Variants in NIPAL3 observed in about 807,000 individuals in gnomAD.
NIPAL3 encodes the protein NIPA-like protein 3.
NIPAL3 carries 41 observed loss-of-function variants against 47.2 expected under a neutral mutation model. That is an observed-to-expected ratio of 0.87 (90% confidence interval 0.68 to 1.13). NIPAL3 has a LOEUF of 1.13. Among genes scored for constraint, NIPAL3 ranks in the 50% most tolerant of loss-of-function variants. NIPAL3 has a pLI of 0.00. For missense variants in NIPAL3, 449 were observed against 530.1 expected (o/e 0.85, Z 1.50); for synonymous variants, 194 against 209.6 (o/e 0.93, Z 0.64).
chr1:24,461,413 A>G (rs1437644398), intron 10 of NIPAL3, among the ~76,000 whole-genome samples: 1 of 151,510 alleles, frequency 6.6e-6, no homozygotes, highest in Non-Finnish European at 1.5e-5. Flanking sequence ...ATGATGGTGC[A>G]TGCCTGTAAT....
intron 6 of NIPAL3, among the ~76,000 whole-genome samples, chr1:24,450,168 G>A (rs1645870451): frequency 6.6e-6 from 1 of 152,158 alleles, no homozygotes; most frequent in African/African-American, 2.4e-5. Flanking sequence ...TTAGAGGTGT[G>A]TATAGGTATG....
intron 2 of NIPAL3, among the ~76,000 whole-genome samples, chr1:24,428,043 C>T (rs1213978442): frequency 6.6e-6 from 1 of 152,114 alleles, no homozygotes; most frequent in Non-Finnish European, 1.5e-5. Context: ...AGTTCGAGAC[C>T]AGCCTGGGCA....
intron 2 of NIPAL3, among the ~76,000 whole-genome samples, chr1:24,430,331 A>C (rs1466639571): frequency 3.3e-5 from 5 of 150,422 alleles, no homozygotes; most frequent in African/African-American, 1.2e-4. Flanking sequence ...GCTCATTGCA[A>C]CCTCCACCTC....
chr1:24,444,539 A>G (rs914390266), intron 4 of NIPAL3, among the ~76,000 whole-genome samples: 1 of 152,182 alleles, frequency 6.6e-6, no homozygotes, highest in African/African-American at 2.4e-5. Flanking sequence ...CTAACACCGT[A>G]TTTCATAGAC....
intron 2 of NIPAL3, among the ~76,000 whole-genome samples, chr1:24,438,914 A>G (rs1256034072): frequency 6.6e-6 from 1 of 152,220 alleles, no homozygotes; most frequent in Admixed American, 6.5e-5. Context: ...TTGACCCAGC[A>G]ATTCCACTTA....
chr1:24,442,161 T>G lies in NIPAL3; in HGVS notation c.269T>G (p.Val90Gly). 1 of 1,614,162 alleles carries G rather than the reference T, an allele frequency of 6.2e-7. No homozygotes were observed. Among genetic ancestry groups the G allele is most frequent in the South Asian group, 1.1e-5 (1 of 91,080 alleles). The change falls in exon 4 of 12, where the codon GTG (valine) becomes GGG (glycine). Residue 90 changes from valine (V) to glycine (G), a missense_variant. Transcript: ENST00000374399. ...LFLMLLGELGVFASYAFAPLS... is the reference protein window; with the variant it reads ...LFLMLLGELGGFASYAFAPLS... ...CTGATGCTTCTGGGCGAGCTGGGTGTGTTCGCCTCCTACGCCTTCGCGCCG... is the reference window on the plus strand; with the variant it reads ...CTGATGCTTCTGGGCGAGCTGGGTGGGTTCGCCTCCTACGCCTTCGCGCCG...
chr1:24,438,786 G>T (rs1645243529), intron 2 of NIPAL3, among the ~76,000 whole-genome samples: 1 of 152,250 alleles, frequency 6.6e-6, no homozygotes, highest in Non-Finnish European at 1.5e-5. Context: ...AAGAGAACAT[G>T]CTGGGAAGGA....
At chr1:24,464,237 A>T in intron 11 of NIPAL3, 117 bp downstream of exon 11, 2 of 728,062 alleles carry the variant, frequency 2.7e-6, no homozygotes, top group Middle Eastern at 2.5e-4. Flanking sequence ...CTGTTCTCTC[A>T]CTGTCTTTTT....
At position 24,445,971 on chromosome 1, in the gene NIPAL3, C is replaced by T. The variant is rs566733555; in HGVS notation, c.394+727C>T. Among the ~76,000 whole-genome samples, 5 of 152,140 alleles carry T rather than the reference C, an allele frequency of 3.3e-5. No homozygotes were observed. The South Asian group carries it at 8.3e-4, about 25-fold the overall frequency. On this transcript the variant is annotated intron_variant, in intron 5 of 11. Transcript: ENST00000374399. ...GGAAACCCAAGAAGTGGGGAAGAAG[C>T]GTTTCCCACAAAACACCTACTAAGT... is the stretch of plus-strand genomic sequence containing the variant.
intron 4 of NIPAL3, among the ~76,000 whole-genome samples, chr1:24,444,644 T>C (rs1233220179): frequency 2.6e-5 from 4 of 152,186 alleles, no homozygotes; most frequent in African/African-American, 9.7e-5. Context: ...CTGTTCACAG[T>C]GACTGCCAGC....
At chr1:24,419,835 A>C (rs1325841858) in intron 2 of NIPAL3, 195 bp downstream of exon 2, 3 of 511,532 alleles carry the variant, frequency 5.9e-6, no homozygotes, top group Non-Finnish European at 1.1e-5. Context: ...CACACCTGTA[A>C]TCCCAGCACT....
chr1:24,456,476 C>T (rs1277576010), intron 8 of NIPAL3, among the ~76,000 whole-genome samples: 2 of 152,198 alleles, frequency 1.3e-5, no homozygotes, highest in African/African-American at 2.4e-5. Flanking sequence ...CCAGGCCAGG[C>T]TCAGTGACCC....
chr1:24,440,722 G>A (rs1026485516), intron 3 of NIPAL3, among the ~76,000 whole-genome samples: 36 of 152,188 alleles, frequency 2.4e-4, no homozygotes, highest in Non-Finnish European at 5.9e-5. Flanking sequence ...TCTCATGGGG[G>A]CACCAAGGAG....
chr1:24,457,947 G>A lies in NIPAL3; in HGVS notation c.774-941G>A, dbSNP rs12566439. 1,848 of 427,704 alleles carry A rather than the reference G, an allele frequency of 4.3e-3. 9 individuals are homozygous for A. Among genetic ancestry groups the A allele is most frequent in the Non-Finnish European group, 6.8e-3 (1,428 of 209,078 alleles). 26.5% of individuals were successfully genotyped at this position (427,704 alleles called of 1,614,324 possible). A position where few individuals can be genotyped will look rare whatever the true frequency, so the allele number is the denominator to read the frequency against. On this transcript the variant is annotated intron_variant, in intron 8 of 11. Coordinates refer to ENST00000374399, the MANE Select transcript of NIPAL3 (RefSeq NM_020448.5). Reference sequence around the variant, plus strand: ...ACCTGGAAGCCCCTGCCAGTCAAAGGCCCTGTGCTGAGCACTCCAGGTGTC... The same window carrying A: ...ACCTGGAAGCCCCTGCCAGTCAAAGACCCTGTGCTGAGCACTCCAGGTGTC...
At chr1:24,437,357 T>A (rs1394825712) in intron 2 of NIPAL3, among the ~76,000 whole-genome samples, 1 of 152,230 alleles carries the variant, frequency 6.6e-6, no homozygotes, top group Non-Finnish European at 1.5e-5. Flanking sequence ...TAAATTTGAA[T>A]AACATATTTC....
chr1:24,419,031 A>T (rs776936413), intron 1 of NIPAL3, among the ~76,000 whole-genome samples: 5 of 151,670 alleles, frequency 3.3e-5, no homozygotes, highest in Non-Finnish European at 7.4e-5. Context: ...AAGGAAGCAG[A>T]GTGGAGGAGG....
chr1:24,431,413 T>C (rs941170081), intron 2 of NIPAL3, among the ~76,000 whole-genome samples: 5 of 152,176 alleles, frequency 3.3e-5, no homozygotes, highest in African/African-American at 1.2e-4. Flanking sequence ...GACATGAAGA[T>C]AGGTGATCAA....
chr1:24,420,911 T>A (rs983272245), intron 2 of NIPAL3, among the ~76,000 whole-genome samples: 7 of 152,166 alleles, frequency 4.6e-5, no homozygotes, highest in African/African-American at 1.4e-4. Context: ...AACGAATAGG[T>A]CAAAGGGAAT....
chr1:24,466,181 T>C lies in NIPAL3; in HGVS notation c.1021+2061T>C. ...TAGCCTGGCACTCTCAGCCAGGCCTTGGCCCTTTCCTGTGGAACAGAAACA... is the reference window on the plus strand; with the variant it reads ...TAGCCTGGCACTCTCAGCCAGGCCTCGGCCCTTTCCTGTGGAACAGAAACA... On this transcript the variant is annotated intron_variant, in intron 11 of 11. Coordinates refer to ENST00000374399, the MANE Select transcript of NIPAL3 (RefSeq NM_020448.5). 5 of 1,308,880 alleles carry C rather than the reference T, an allele frequency of 3.8e-6. No individual in the cohort carries two copies. The South Asian group carries it at 6.9e-5, about 18-fold the overall frequency. The allele number at this position is 1,308,880 out of a possible 1,614,324, so 81.1% of individuals were successfully genotyped here.
Sources: gnomAD v4.1 joint callset for allele counts (sites outside exome capture counted in the v4.1 genomes callset) on GRCh38, gnomAD v4.1.1 for gene constraint, MANE v1.5 for transcripts, NCBI Gene and HGNC (gene_info 2026-07-23, HGNC 2026-07-21) for gene names.